CFAP52: variants seen among roughly 807,000 people sequenced by gnomAD.
CFAP52 encodes cilia- and flagella-associated protein 52.
A neutral mutation model predicts 70.5 loss-of-function variants in CFAP52; 57 were observed. That is an observed-to-expected ratio of 0.81 (90% confidence interval 0.65 to 1.01). The LOEUF (loss-of-function observed/expected upper bound fraction) is 1.01. CFAP52 is among the 50% of genes least tolerant of loss of function. The pLI, the probability that CFAP52 is intolerant of heterozygous loss-of-function variation, is 0.00. For missense variants in CFAP52, 785 were observed against 788.5 expected, an observed-to-expected ratio of 1.00 and a Z score of 0.05; for synonymous variants, 267 against 292.5, an observed-to-expected ratio of 0.91 and a Z score of 0.89.
At chr17:9,603,452 AC>A (rs1241218430) in intron 6 of CFAP52, among the ~76,000 whole-genome samples, 1 of 151,910 alleles carries the variant, frequency 6.6e-6, no homozygotes, top group Non-Finnish European at 1.5e-5. Context: ...CCCGTGATCC[AC>A]CCGCCTCGGC....
intron 7 of CFAP52, among the ~76,000 whole-genome samples, chr17:9,609,421 G>A (rs1249540896): frequency 6.6e-6 from 1 of 152,166 alleles, no homozygotes; most frequent in Non-Finnish European, 1.5e-5. Context: ...GAGGCCAGGT[G>A]CAGTGGCTCA....
intron 5 of CFAP52, 92 bp from the exon 6 acceptor site, chr17:9,599,975 A>G: frequency 1.0e-6 from 1 of 974,690 alleles, no homozygotes. Flanking sequence ...TCCTGACCTC[A>G]GGTGATCCAC....
chr17:9,616,355 C>T (rs1352187254), intron 8 of CFAP52, among the ~76,000 whole-genome samples: 7 of 117,172 alleles, frequency 6.0e-5, no homozygotes, highest in African/African-American at 1.1e-4. Flanking sequence ...CCTACGCCCA[C>T]GGAATCTCGC....
intron 3 of CFAP52, among the ~76,000 whole-genome samples, chr17:9,593,261 G>A (rs1180859002): frequency 6.6e-6 from 1 of 152,096 alleles, no homozygotes; most frequent in African/African-American, 2.4e-5. Flanking sequence ...GGATAAAGTT[G>A]TATGATTGCA....
At chr17:9,576,803 A>G in intron 1 of CFAP52, 38 bp downstream of exon 1, 6 of 1,598,014 alleles carry the variant, frequency 3.8e-6, no homozygotes, top group Non-Finnish European at 5.1e-6. Context: ...CTGGTTTAGG[A>G]ATTCGGAGGA....
chr17:9,634,306 G>A (rs1683229549), intron 10 of CFAP52, among the ~76,000 whole-genome samples: 1 of 152,150 alleles, frequency 6.6e-6, no homozygotes, highest in Non-Finnish European at 1.5e-5. Context: ...GTAAGCATCT[G>A]ACTACTATGT....
At chr17:9,591,341 A>G (rs1908752150) in intron 3 of CFAP52, among the ~76,000 whole-genome samples, 1 of 152,062 alleles carries the variant, frequency 6.6e-6, no homozygotes, top group East Asian at 1.9e-4. Context: ...CCCGGCCTGC[A>G]TGTATCTTTT....
intron 8 of CFAP52, 54 bp from the exon 9 acceptor site, chr17:9,628,618 G>C: frequency 6.3e-7 from 1 of 1,589,224 alleles, no homozygotes; most frequent in Non-Finnish European, 8.6e-7. Flanking sequence ...TGTCAAATAT[G>C]CATCTGGGAA....
Position 9,643,052 on chromosome 17 carries a change from G to T in CFAP52, c.1717G>T (p.Asp573Tyr), listed in dbSNP as rs1196867515. The change falls in exon 14 of 14, where the codon GAT becomes TAT. Residue 573 changes from aspartate (D) to tyrosine (Y), a missense_variant. Coordinates refer to ENST00000352665, the MANE Select transcript of CFAP52 (RefSeq NM_145054.5). ...AAATGACCATCTGGTCAAAGTTTGG[G>T]ATTATAATGAGGGTGAAGTGACTCA... ...GGNDHLVKVWDYNEGEVTHVG... is the reference protein window; with the variant it reads ...GGNDHLVKVWYYNEGEVTHVG... 1 of 1,608,862 alleles carries T rather than the reference G, an allele frequency of 6.2e-7. No homozygotes were observed. Among genetic ancestry groups the T allele is most frequent in the Admixed American group, 1.7e-5 (1 of 59,150 alleles).
intron 8 of CFAP52, among the ~76,000 whole-genome samples, chr17:9,613,502 T>TTTTGTTTG (rs377374357): frequency 2.0e-5 from 3 of 150,132 alleles, no homozygotes; most frequent in East Asian, 2.0e-4. Flanking sequence ...TTTGGGGGGT[T>TTTTGTTTG]TTTGTTTGTT....
intron 8 of CFAP52, among the ~76,000 whole-genome samples, chr17:9,627,138 G>A (rs1466709334): frequency 1.4e-5 from 2 of 147,714 alleles, no homozygotes; most frequent in Non-Finnish European, 3.0e-5. Flanking sequence ...GAGCTTGACA[G>A]ACAAAAGAAG....
At chr17:9,629,660 G>A (rs539927074) in intron 9 of CFAP52, among the ~76,000 whole-genome samples, 1 of 150,494 alleles carries the variant, frequency 6.6e-6, no homozygotes, top group Admixed American at 6.6e-5. Flanking sequence ...CAATTCTCCT[G>A]TCTCAGCCTC....
intron 1 of CFAP52, among the ~76,000 whole-genome samples, chr17:9,584,539 C>T (rs559002685): frequency 3.9e-5 from 6 of 152,272 alleles, no homozygotes; most frequent in African/African-American, 1.4e-4. Flanking sequence ...AACATATTCA[C>T]TTCACATAGT....
chr17:9,580,614 G>A (rs138750181), intron 1 of CFAP52, among the ~76,000 whole-genome samples: 1,888 of 151,854 alleles, frequency 0.012, 24 homozygotes, highest in Middle Eastern at 0.021. Context: ...ACCTGAGCCC[G>A]GGAGGTAGAG....
chr17:9,604,750 A>AAAAT (rs58770209), intron 6 of CFAP52, among the ~76,000 whole-genome samples: 5,770 of 135,002 alleles, frequency 0.043, 161 homozygotes, highest in East Asian at 0.083. Context: ...ACTCTGTCTC[A>AAAAT]AAATAAATAA....
At chr17:9,591,706 C>G (rs1411656266) in intron 3 of CFAP52, among the ~76,000 whole-genome samples, 1 of 152,034 alleles carries the variant, frequency 6.6e-6, no homozygotes, top group Non-Finnish European at 1.5e-5. Flanking sequence ...TAGGGAGACC[C>G]CTGTTTCCAC....
intron 3 of CFAP52, 48 bp from the exon 4 acceptor site, chr17:9,594,145 C>T: frequency 6.5e-7 from 1 of 1,527,572 alleles, no homozygotes; most frequent in Non-Finnish European, 8.8e-7. Flanking sequence ...ATTTTAAAAG[C>T]CTGTTTTCTC....
intron 3 of CFAP52, 112 bp from the exon 4 acceptor site, chr17:9,594,081 T>C (rs1168125941): frequency 7.0e-7 from 1 of 1,429,008 alleles, no homozygotes; most frequent in Non-Finnish European, 9.2e-7. Context: ...TGTTCGTTTT[T>C]AAGTAACCTG....
At chr17:9,622,165 A>G (rs1225269777) in intron 8 of CFAP52, among the ~76,000 whole-genome samples, 1 of 152,118 alleles carries the variant, frequency 6.6e-6, no homozygotes, top group African/African-American at 2.4e-5. Context: ...GATCTTTGCT[A>G]TTATCAGTCT....
Sources: gnomAD v4.1 joint callset for allele counts (sites outside exome capture counted in the v4.1 genomes callset) on GRCh38, gnomAD v4.1.1 for gene constraint, MANE v1.5 for transcripts, NCBI Gene and HGNC (gene_info 2026-07-23, HGNC 2026-07-21) for gene names.